Variants in ZCCHC17 observed in about 807,000 individuals in gnomAD.
ZCCHC17 encodes zinc finger CCHC-type containing 17, also known as zinc finger CCHC domain-containing protein 17.
Under a neutral mutation model 30.6 loss-of-function variants are expected in ZCCHC17, and 18 were observed. The ratio of observed to expected loss-of-function variants is 0.59; its 90% CI spans 0.41 to 0.87. The LOEUF (loss-of-function observed/expected upper bound fraction) is 0.87. Ranked by LOEUF, ZCCHC17 falls within the 40% of genes least tolerant of loss-of-function variation. The pLI, the probability that ZCCHC17 is intolerant of heterozygous loss-of-function variation, is 0.00. For synonymous variants in ZCCHC17, 88 were observed against 92.4 expected, an observed-to-expected ratio of 0.95 and a Z score of 0.27; for missense variants, 263 against 284.2, an observed-to-expected ratio of 0.93 and a Z score of 0.54.
At chr1:31,346,914 GTT>G in intron 6 of ZCCHC17, 174 bp downstream of exon 6, 2 of 1,402,474 alleles carry the variant, frequency 1.4e-6, no homozygotes, top group Non-Finnish European at 1.9e-6. Flanking sequence ...TACATTTTCT[GTT>G]TTCTTTTCTG....
At chr1:31,302,556 C>G (rs958485549) in intron 1 of ZCCHC17, among the ~76,000 whole-genome samples, 37 of 152,142 alleles carry the variant, frequency 2.4e-4, no homozygotes, top group African/African-American at 7.7e-4. Flanking sequence ...AGTGTTAGAG[C>G]TATATTCTAC....
intron 5 of ZCCHC17, among the ~76,000 whole-genome samples, chr1:31,345,701 A>C (rs1342416874): frequency 6.6e-6 from 1 of 150,926 alleles, no homozygotes; most frequent in Non-Finnish European, 1.5e-5. Context: ...GGCCTCAGGA[A>C]ACTTACAGTC....
chr1:31,338,685 C>T (rs1638916152), intron 4 of ZCCHC17, among the ~76,000 whole-genome samples: 1 of 152,208 alleles, frequency 6.6e-6, no homozygotes, highest in African/African-American at 2.4e-5. Flanking sequence ...CTTTTATTTT[C>T]TGCCTGGTTA....
At position 31,348,845 on chromosome 1, in the gene ZCCHC17, T is replaced by G. The variant is rs1160654109; in HGVS notation, c.435T>G (p.Asp145Glu). The G allele has an allele frequency of 1.9e-6, 3 of 1,612,636 alleles. No homozygotes were observed. The highest frequency in any genetic ancestry group is 2.1e-4 in the Middle Eastern group (1 of 4,786). ...CTTCTGCAGGCCACTTTGCAAAAGATTGTTTCATGCAACCAGGTGGGACTA... is the reference window on the plus strand; with the variant it reads ...CTTCTGCAGGCCACTTTGCAAAAGAGTGTTTCATGCAACCAGGTGGGACTA... ...KCGCKGHFAKDCFMQPGGTKY... is the reference protein window; with the variant it reads ...KCGCKGHFAKECFMQPGGTKY... Residue 145 changes from aspartate (D) to glutamate (E), a missense_variant, in exon 7 of 8, where the codon GAT becomes GAG. Coordinates refer to ENST00000344147, the MANE Select transcript of ZCCHC17 (RefSeq NM_016505.4).
chr1:31,305,639 G>A (rs1480126666), intron 1 of ZCCHC17, among the ~76,000 whole-genome samples: 2 of 151,298 alleles, frequency 1.3e-5, no homozygotes, highest in South Asian at 2.1e-4. Flanking sequence ...ATGGGGTGTC[G>A]CTGTGTTGCC....
At chr1:31,331,373 T>G (rs1638577627) in intron 3 of ZCCHC17, among the ~76,000 whole-genome samples, 1 of 151,980 alleles carries the variant, frequency 6.6e-6, no homozygotes, top group South Asian at 2.1e-4. Context: ...CTAGAACTCC[T>G]GACTTCAAGT....
At chr1:31,341,739 T>C (rs1639054888) in intron 5 of ZCCHC17, among the ~76,000 whole-genome samples, 1 of 152,236 alleles carries the variant, frequency 6.6e-6, no homozygotes, top group South Asian at 2.1e-4. Flanking sequence ...TCTTAGCTTC[T>C]TTACTATAAA....
chr1:31,304,033 A>C (rs1371841973), intron 1 of ZCCHC17, among the ~76,000 whole-genome samples: 1 of 152,006 alleles, frequency 6.6e-6, no homozygotes, highest in Admixed American at 6.5e-5. Context: ...CTTCCATCCC[A>C]TACTTTCCTT....
At chr1:31,341,187 T>A (rs1639034513) in intron 5 of ZCCHC17, among the ~76,000 whole-genome samples, 1 of 152,246 alleles carries the variant, frequency 6.6e-6, no homozygotes, top group African/African-American at 2.4e-5. Context: ...TTCTGTGGTT[T>A]AGTCTCTAAA....
chr1:31,330,906 T>C (rs1638557542), intron 3 of ZCCHC17, among the ~76,000 whole-genome samples: 1 of 152,170 alleles, frequency 6.6e-6, no homozygotes, highest in Non-Finnish European at 1.5e-5. Flanking sequence ...CAATGAAGTC[T>C]CTCCCAAGAA....
intron 7 of ZCCHC17, among the ~76,000 whole-genome samples, chr1:31,361,925 C>G (rs1025453305): frequency 2.6e-5 from 4 of 152,258 alleles, no homozygotes; most frequent in Non-Finnish European, 1.5e-5. Context: ...GATCCTCCCA[C>G]CTCAGCTTCC....
intron 7 of ZCCHC17, among the ~76,000 whole-genome samples, chr1:31,353,337 T>C (rs569079974): frequency 6.6e-6 from 1 of 152,316 alleles, no homozygotes; most frequent in African/African-American, 2.4e-5. Flanking sequence ...TTTTACTCTG[T>C]TGATAGTGTC....
intron 1 of ZCCHC17, among the ~76,000 whole-genome samples, chr1:31,297,535 A>G (rs1263513536): frequency 6.6e-6 from 1 of 152,234 alleles, no homozygotes; most frequent in Non-Finnish European, 1.5e-5. Context: ...ACTCATGCCC[A>G]TGAACGTGGT....
chr1:31,340,316 T>G (rs891152684), intron 5 of ZCCHC17, among the ~76,000 whole-genome samples: 2 of 29,620 alleles, frequency 6.8e-5, no homozygotes, highest in Admixed American at 3.5e-4. Context: ...TCTTGGAGGG[T>G]TTTTTTTTTT....
chr1:31,302,807 G>C (rs1002952362), intron 1 of ZCCHC17, among the ~76,000 whole-genome samples: 6 of 152,060 alleles, frequency 3.9e-5, no homozygotes, highest in Non-Finnish European at 7.3e-5. Flanking sequence ...ATCAGATCTC[G>C]TGAAAACTCT....
At chr1:31,355,545 T>C (rs888611457) in intron 7 of ZCCHC17, among the ~76,000 whole-genome samples, 5 of 152,274 alleles carry the variant, frequency 3.3e-5, no homozygotes, top group African/African-American at 9.6e-5. Flanking sequence ...CACACAAATA[T>C]AAGAGATAAT....
chr1:31,340,582 G>T (rs1639013025), intron 5 of ZCCHC17, among the ~76,000 whole-genome samples: 1 of 152,190 alleles, frequency 6.6e-6, no homozygotes, highest in Admixed American at 6.5e-5. Flanking sequence ...CTCCCAAAGT[G>T]CTGGGATTAC....
chr1:31,307,315 C>T (rs1646487052), intron 1 of ZCCHC17, among the ~76,000 whole-genome samples: 1 of 151,984 alleles, frequency 6.6e-6, no homozygotes, highest in South Asian at 2.1e-4. Context: ...CACTGTTCTA[C>T]AAGAGGTATA....
At chr1:31,303,147 C>G (rs1021370432) in intron 1 of ZCCHC17, among the ~76,000 whole-genome samples, 1 of 151,690 alleles carries the variant, frequency 6.6e-6, no homozygotes, top group African/African-American at 2.4e-5. Flanking sequence ...TAGCCAAGCT[C>G]GTTGGTGTGT....
Sources: gnomAD v4.1 joint callset for allele counts (sites outside exome capture counted in the v4.1 genomes callset) on GRCh38, gnomAD v4.1.1 for gene constraint, MANE v1.5 for transcripts, NCBI Gene and HGNC (gene_info 2026-07-23, HGNC 2026-07-21) for gene names.